NCAM2: variants seen among roughly 807,000 people sequenced by gnomAD.
NCAM2 encodes the protein neural cell adhesion molecule 2, also known as N-CAM-2.
Under a neutral mutation model 98.1 loss-of-function variants are expected in NCAM2, and 30 were observed. The ratio of observed to expected loss-of-function variants is 0.31; its 90% confidence interval spans 0.23 to 0.41. The LOEUF (loss-of-function observed/expected upper bound fraction) is 0.41. NCAM2 is among the 10% of genes least tolerant of loss of function. NCAM2 has a pLI of 1.00. For synonymous variants in NCAM2, 368 were observed against 342.4 expected (o/e 1.07, Z -0.83); for missense variants, 867 against 1,005.8 (o/e 0.86, Z 1.87).
intron 1 of NCAM2, among the ~76,000 whole-genome samples, chr21:21,018,114 C>G (rs548143159): frequency 3.3e-5 from 5 of 152,282 alleles, no homozygotes; most frequent in African/African-American, 1.2e-4. Flanking sequence ...ATTCACACTT[C>G]GTATAACTGA....
intron 15 of NCAM2, among the ~76,000 whole-genome samples, chr21:21,483,862 ATGCTTCTAGCTTC>A (rs1364958018): frequency 6.6e-6 from 1 of 152,152 alleles, no homozygotes; most frequent in Non-Finnish European, 1.5e-5. Context: ...CAATAGGTTA[ATGCTTCTAGCTTC>A]TATGCTTATT....
chr21:21,376,026 A>G (rs1268927000), intron 9 of NCAM2, among the ~76,000 whole-genome samples: 2 of 151,802 alleles, frequency 1.3e-5, no homozygotes, highest in South Asian at 2.1e-4. Flanking sequence ...CTCGTACAAG[A>G]TATGCTAGTA....
chr21:21,311,836 A>T (rs923933961), intron 5 of NCAM2, among the ~76,000 whole-genome samples: 1 of 151,946 alleles, frequency 6.6e-6, no homozygotes, highest in African/African-American at 2.4e-5. Context: ...ATGAGATTTG[A>T]TTTGGGGTGT....
intron 16 of NCAM2, among the ~76,000 whole-genome samples, chr21:21,530,181 TG>T (rs1338513367): frequency 7.7e-6 from 1 of 129,648 alleles, no homozygotes; most frequent in African/African-American, 3.0e-5. Context: ...TAATTATATA[TG>T]ATTTAATTTA....
At chr21:21,209,465 G>A (rs2069564394) in intron 1 of NCAM2, among the ~76,000 whole-genome samples, 1 of 152,108 alleles carries the variant, frequency 6.6e-6, no homozygotes, top group South Asian at 2.1e-4. Context: ...CAAAGTGGTG[G>A]GGTTACAGGT....
chr21:21,369,739 T>C (rs1259773881), intron 8 of NCAM2, among the ~76,000 whole-genome samples: 1 of 151,814 alleles, frequency 6.6e-6, no homozygotes, highest in Non-Finnish European at 1.5e-5. Flanking sequence ...GGTCTTTCTT[T>C]TGCTTGGGTA....
In NCAM2 at chr21:21,321,986, T is replaced by G. The variant is rs138070229; in HGVS notation, c.620-2397T>G. ...GGGTAAATACCAAAAGGAAAATAAA[T>G]TGTAACAGACACATGCACTCGTACG... On this transcript the variant is annotated intron_variant, in intron 5 of 17. Transcript: ENST00000400546. Among the ~76,000 whole-genome samples the G allele has an allele frequency of 1.0e-3, 153 of 152,236 alleles. 1 individual carries two copies. The highest frequency in any genetic ancestry group is 1.6e-3 in the Admixed American group (25 of 15,274).
At chr21:21,374,712 G>A (rs2075993113) in intron 9 of NCAM2, among the ~76,000 whole-genome samples, 1 of 151,712 alleles carries the variant, frequency 6.6e-6, no homozygotes, top group African/African-American at 2.4e-5. Context: ...TATTTATGAA[G>A]CATCAATATT....
At position 21,410,444 on chromosome 21, in the gene NCAM2, A is replaced by C. The variant is rs770182571; in HGVS notation, c.1366A>C (p.Arg456=). 84 of 1,557,312 alleles carry C rather than the reference A, an allele frequency of 5.4e-5. No individual in the cohort carries two copies. Among genetic ancestry groups the C allele is most frequent in the Non-Finnish European group, 6.1e-5 (70 of 1,152,688 alleles). ...CAATTTAAAGACTTATAGTACAGGA[A>C]GAAAGATGATATTAGAGGTAAGTCC... ...TTNLKTYSTG[R]KMILEIAPTS... The change falls in exon 10 of 18, where the codon AGA becomes CGA. Residue 456 remains arginine, a synonymous_variant. Transcript: ENST00000400546.
At chr21:21,233,687 A>G (rs184725671) in intron 1 of NCAM2, among the ~76,000 whole-genome samples, 152 of 151,914 alleles carry the variant, frequency 1.0e-3, no homozygotes, top group African/African-American at 3.5e-3. Context: ...CCCACTATAG[A>G]TACAAATAAC....
chr21:21,241,567 C>T (rs2071066715), intron 1 of NCAM2, among the ~76,000 whole-genome samples: 1 of 152,138 alleles, frequency 6.6e-6, no homozygotes, highest in East Asian at 1.9e-4. Context: ...GTGCTTTACC[C>T]CACTGCAGTA....
At chr21:21,363,970 CT>C (rs1289280270) in intron 8 of NCAM2, among the ~76,000 whole-genome samples, 1 of 151,994 alleles carries the variant, frequency 6.6e-6, no homozygotes. Flanking sequence ...TCACAAAAAG[CT>C]TGATTTGTAT....
intron 17 of NCAM2, among the ~76,000 whole-genome samples, chr21:21,535,218 T>C (rs1989920308): frequency 1.3e-5 from 2 of 152,032 alleles, no homozygotes; most frequent in Non-Finnish European, 2.9e-5. Context: ...ATAGTAGATA[T>C]CAAAAGCTGA....
chr21:21,169,257 A>G (rs2146832386), intron 1 of NCAM2, among the ~76,000 whole-genome samples: 1 of 152,276 alleles, frequency 6.6e-6, no homozygotes. Context: ...AATCTAGACA[A>G]CGACCATAAA....
At chr21:21,406,914 A>G (rs1006115345) in intron 9 of NCAM2, among the ~76,000 whole-genome samples, 2 of 152,124 alleles carry the variant, frequency 1.3e-5, no homozygotes, top group African/African-American at 4.8e-5. Flanking sequence ...TTTCATATAT[A>G]TGTGAAAGAA....
At chr21:21,123,965 A>G (rs923332810) in intron 1 of NCAM2, among the ~76,000 whole-genome samples, 1 of 145,112 alleles carries the variant, frequency 6.9e-6, no homozygotes, top group Non-Finnish European at 1.5e-5. Context: ...CTCCTGCCTC[A>G]GCCTCCCGAG....
intron 1 of NCAM2, among the ~76,000 whole-genome samples, chr21:20,999,474 A>G (rs952343809): frequency 3.9e-5 from 6 of 152,214 alleles, no homozygotes; most frequent in African/African-American, 7.2e-5. Flanking sequence ...AAACACTCAC[A>G]TGAAATATAT....
At chr21:21,362,087 A>G (rs1017960320) in intron 8 of NCAM2, among the ~76,000 whole-genome samples, 6 of 151,986 alleles carry the variant, frequency 3.9e-5, no homozygotes, top group African/African-American at 1.2e-4. Flanking sequence ...GGCCGAAACC[A>G]TTGTTACTTG....
intron 1 of NCAM2, among the ~76,000 whole-genome samples, chr21:21,145,404 A>G (rs919072814): frequency 6.6e-6 from 1 of 152,200 alleles, no homozygotes; most frequent in Non-Finnish European, 1.5e-5. Flanking sequence ...ACCAAGAACA[A>G]CTTACTGCAA....
Sources: allele counts gnomAD v4.1 joint callset (sites outside exome capture counted in the v4.1 genomes callset), GRCh38; gene constraint gnomAD v4.1.1; transcripts MANE v1.5; gene names NCBI Gene and HGNC (gene_info 2026-07-23, HGNC 2026-07-21).